Variants in NUDT13 observed in about 807,000 individuals in gnomAD.
NUDT13 encodes NAD(P)H pyrophosphatase NUDT13, mitochondrial.
NUDT13 carries 40 observed loss-of-function variants against 41.7 expected under a neutral mutation model. That is an observed-to-expected ratio of 0.96 (90% confidence interval 0.75 to 1.25). NUDT13 has a LOEUF of 1.25. NUDT13 is among the 50% of genes most tolerant of loss of function. NUDT13 has a pLI of 0.00. For synonymous variants in NUDT13, 145 were observed against 155.5 expected (o/e 0.93, Z 0.50); for missense variants, 390 against 416.1 (o/e 0.94, Z 0.55).
intron 1 of NUDT13, among the ~76,000 whole-genome samples, chr10:73,113,452 A>G (rs190432057): frequency 6.6e-6 from 1 of 152,318 alleles, no homozygotes; most frequent in East Asian, 1.9e-4. Context: ...TTTTGGGGTT[A>G]TTAAAGTAGG....
At chr10:73,123,901 C>T (rs370487285) in intron 4 of NUDT13, among the ~76,000 whole-genome samples, 4 of 152,198 alleles carry the variant, frequency 2.6e-5, no homozygotes, top group African/African-American at 9.6e-5. Flanking sequence ...TCAAGTGATT[C>T]ACCCGCCTCG....
chr10:73,120,137 C>A lies in NUDT13; in HGVS notation c.203C>A (p.Ala68Asp), dbSNP rs776321796. The stretch of plus-strand genomic sequence containing the variant: ...CAGACTTCAGCACATCAATACCTGG[C>A]CCCCCGGCACAGCCTGTTAGGTAAG... ...LLQTSAHQYL[A>D]PRHSLLELER... is the part of the protein sequence containing the mutation. The change falls in exon 3 of 9, where the codon GCC (alanine) becomes GAC (aspartate). Residue 68 changes from alanine (A) to aspartate (D), a missense_variant. Ala to Asp is a moderately radical substitution (Grantham distance 126). Coordinates refer to ENST00000357321, the MANE Select transcript of NUDT13 (RefSeq NM_015901.6). 1 of 1,613,730 alleles carries A rather than the reference C, an allele frequency of 6.2e-7. No individual in the cohort carries two copies. The highest frequency in any genetic ancestry group is 1.1e-5 in the South Asian group (1 of 91,058).
chr10:73,126,056 AT>A (rs907019011), intron 7 of NUDT13: 1 of 226,396 alleles, frequency 4.4e-6, no homozygotes, highest in African/African-American at 2.3e-5. Context: ...CACTACCCAG[AT>A]TCTATAATTT....
chr10:73,119,336 G>A (rs1257533068), intron 2 of NUDT13: 3 of 193,682 alleles, frequency 1.5e-5, no homozygotes, highest in Non-Finnish European at 2.8e-5. Context: ...GAGCTACCAC[G>A]CCCGGCCAGG....
intron 5 of NUDT13, chr10:73,124,606 G>A (rs1842727189): frequency 2.7e-6 from 1 of 364,240 alleles, no homozygotes; most frequent in Non-Finnish European, 5.0e-6. Context: ...GACCCACATA[G>A]CATGACATAT....
At chr10:73,115,511 A>G (rs1842486571) in intron 2 of NUDT13, among the ~76,000 whole-genome samples, 1 of 152,184 alleles carries the variant, frequency 6.6e-6, no homozygotes, top group Non-Finnish European at 1.5e-5. Flanking sequence ...AATAATATCT[A>G]AAATATCTCA....
In NUDT13 at chr10:73,120,034, A is replaced by G; in HGVS notation, c.100A>G (p.Lys34Glu). The G allele has an allele frequency of 6.2e-7, 1 of 1,614,170 alleles. No homozygotes were observed. Among genetic ancestry groups the G allele is most frequent in the Non-Finnish European group, 8.5e-7 (1 of 1,180,010 alleles). The change falls in exon 3 of 9, where the codon AAG becomes GAG. Residue 34 changes from lysine (K) to glutamate (E), a missense_variant. Coordinates refer to ENST00000357321, the MANE Select transcript of NUDT13 (RefSeq NM_015901.6). ...VTKTRYLFELKEDDDACKKAQ... is the reference protein window; with the variant it reads ...VTKTRYLFELEEDDDACKKAQ... The stretch of plus-strand genomic sequence containing the variant: ...CAAATACAGGTATTTATTTGAACTG[A>G]AGGAAGATGATGATGCATGTAAAAA...
Position 73,130,815 on chromosome 10 carries a change from C to A in NUDT13, c.971C>A (p.Pro324Gln). The A allele has an allele frequency of 6.2e-7, 1 of 1,612,656 alleles. No homozygotes were observed. Among genetic ancestry groups the A allele is most frequent in the South Asian group, 1.1e-5 (1 of 91,044 alleles). ...ACTCAGCAACAGAATGGGACTTTCC[C>A]ATTCTGGCTGCCCCCTAAGTTAGCC... The part of the protein sequence containing the change: ...PYTQQQNGTF[P>Q]FWLPPKLAIS... The change falls in exon 9 of 9, where the codon CCA becomes CAA. Residue 324 changes from proline (P) to glutamine (Q), a missense_variant. Physicochemically the swap from Pro to Gln is moderately conservative, Grantham distance 76. Transcript: ENST00000357321.
chr10:73,128,778 G>C (rs1223776544), intron 8 of NUDT13, among the ~76,000 whole-genome samples: 1 of 152,128 alleles, frequency 6.6e-6, no homozygotes, highest in Non-Finnish European at 1.5e-5. Context: ...TTTCTTGCCT[G>C]TGCTTTGGTA....
At chr10:73,111,116 A>G (rs1224981560) in intron 1 of NUDT13, among the ~76,000 whole-genome samples, 1 of 151,878 alleles carries the variant, frequency 6.6e-6, no homozygotes, top group Admixed American at 6.6e-5. Context: ...AGCTGGGACT[A>G]CAGGCGCCCG....
chr10:73,124,327 T>C lies in NUDT13; in HGVS notation c.465+7T>C. On this transcript the variant is annotated splice_region_variant and intron_variant, in intron 5 of 8. Transcript: ENST00000357321. The stretch of plus-strand genomic sequence containing the variant: ...TGCCTCCTTGCTGTCCACGGTAGAT[T>C]CTGATTTCTCATTCTGTAGGAAATT... 6.3e-7 allele frequency: 1 copy of C among 1,587,068 alleles called. No homozygotes were observed. Among genetic ancestry groups the C allele is most frequent in the South Asian group, 1.1e-5 (1 of 90,582 alleles).
intron 5 of NUDT13, 72 bp downstream of exon 5, chr10:73,124,392 C>T (rs1263502774): frequency 2.0e-6 from 2 of 1,005,942 alleles, no homozygotes; most frequent in Non-Finnish European, 3.1e-6. Context: ...TGTGTACACA[C>T]AAGGCTAGAG....
chr10:73,114,523 A>G lies in NUDT13; in HGVS notation c.83+75A>G, dbSNP rs1307030254. 3 of 598,532 alleles carry G rather than the reference A, an allele frequency of 5.0e-6. No homozygotes were observed. In the Admixed American group the frequency reaches 9.7e-5, roughly 19 times the overall value. 37.1% of individuals were successfully genotyped at this position (598,532 alleles called of 1,614,324 possible). A position where few individuals can be genotyped will look rare whatever the true frequency, so the allele number is the denominator to read the frequency against. On this transcript the variant is annotated intron_variant, in intron 2 of 8. Coordinates refer to ENST00000357321, the MANE Select transcript of NUDT13 (RefSeq NM_015901.6). ...CTATTGTGATATTATGATTTTATAT[A>G]TATATTTAGGTTTATGATTATTATA...
chr10:73,125,182 A>G lies in NUDT13; in HGVS notation c.530A>G (p.Lys177Arg), dbSNP rs1255571774. 4 of 1,613,630 alleles carry G rather than the reference A, an allele frequency of 2.5e-6. No homozygotes were observed. The South Asian group carries it at 4.4e-5, about 18-fold the overall frequency. ...QFCSRSGQPT[K>R]KNVAGSKRVC... ...TGCAGCAGAAGTGGGCAGCCCACCA[A>G]GAAGAACGTGGCTGGCAGCAAGCGT... The change falls in exon 6 of 9, where the codon AAG (lysine) becomes AGG (arginine). Residue 177 changes from lysine (K) to arginine (R), a missense_variant. Physicochemically the swap from Lys to Arg is conservative, Grantham distance 26. Transcript: ENST00000357321.
chr10:73,120,277 T>A, intron 3 of NUDT13, 120 bp downstream of exon 3: 1 of 965,272 alleles, frequency 1.0e-6, no homozygotes, highest in Non-Finnish European at 1.5e-6. Context: ...AGAAAGCTTT[T>A]GAGTCTCATG....
intron 4 of NUDT13, among the ~76,000 whole-genome samples, chr10:73,123,972 G>A (rs1306780086): frequency 1.3e-5 from 2 of 152,080 alleles, no homozygotes; most frequent in Middle Eastern, 3.2e-3. Context: ...TCACTGGAGT[G>A]CAGTGGCTAT....
At position 73,116,690 on chromosome 10, in the gene NUDT13, C is replaced by T. The variant is rs1039078433; in HGVS notation, c.83+2242C>T. 2.0e-5 allele frequency among the ~76,000 whole-genome samples: 3 copies of T among 151,678 alleles called. No homozygotes were observed. The East Asian group carries it at 5.9e-4, about 30-fold the overall frequency. ...CTGGGAGGTGGAAGTTGCAATAAGC[C>T]GAGATCGTGTCATTGCACTCTAGCC... On this transcript the variant is annotated intron_variant, in intron 2 of 8. Transcript: ENST00000357321.
At chr10:73,127,061 T>C (rs536612163) in intron 8 of NUDT13, among the ~76,000 whole-genome samples, 1 of 151,730 alleles carries the variant, frequency 6.6e-6, no homozygotes, top group Non-Finnish European at 1.5e-5. Context: ...CTGGCCAACA[T>C]GGCAAAACTC....
intron 3 of NUDT13, 116 bp downstream of exon 3, chr10:73,120,273 C>G: frequency 9.7e-7 from 1 of 1,026,406 alleles, no homozygotes; most frequent in South Asian, 1.8e-5. Context: ...TTTCAGAAAG[C>G]TTTTGAGTCT....
Sources: allele counts gnomAD v4.1 joint callset (sites outside exome capture counted in the v4.1 genomes callset), GRCh38; gene constraint gnomAD v4.1.1; transcripts MANE v1.5; gene names NCBI Gene and HGNC (gene_info 2026-07-23, HGNC 2026-07-21).